COL4A4: variants seen among roughly 807,000 people sequenced by gnomAD.
COL4A4 encodes the protein collagen alpha-4(IV) chain.
Under a neutral mutation model 192.9 loss-of-function variants are expected in COL4A4, and 105 were observed. The ratio of observed to expected loss-of-function variants is 0.54; its 90% CI spans 0.46 to 0.64. The LOEUF (loss-of-function observed/expected upper bound fraction) is 0.64. Among genes scored for constraint, COL4A4 ranks in the 30% least tolerant of loss-of-function variants. The pLI is 0.00. For missense variants in COL4A4, 1,967 were observed against 2,169.3 expected, an observed-to-expected ratio of 0.91 and a Z score of 1.85; for synonymous variants, 762 against 769.9, an observed-to-expected ratio of 0.99 and a Z score of 0.17.
intron 12 of COL4A4, among the ~76,000 whole-genome samples, chr2:227,105,188 A>ATTTTT (rs36065792): frequency 8.6e-5 from 9 of 104,068 alleles, no homozygotes; most frequent in Non-Finnish European, 1.5e-4. Context: ...CAGGATCCTG[A>ATTTTT]TTTTTTTTTT....
intron 25 of COL4A4, among the ~76,000 whole-genome samples, chr2:227,067,227 G>A (rs1030911168): frequency 6.6e-6 from 1 of 151,988 alleles, no homozygotes; most frequent in Non-Finnish European, 1.5e-5. Flanking sequence ...CAAGTCCTGA[G>A]TGACCTACAA....
intron 4 of COL4A4, among the ~76,000 whole-genome samples, chr2:227,124,272 A>G (rs895752002): frequency 6.6e-6 from 1 of 152,182 alleles, no homozygotes; most frequent in Non-Finnish European, 1.5e-5. Flanking sequence ...TTGGTGCAAA[A>G]GTAATTGTGG....
chr2:227,153,068 G>A (rs150546627), intron 1 of COL4A4, among the ~76,000 whole-genome samples: 1 of 152,300 alleles, frequency 6.6e-6, no homozygotes, highest in South Asian at 2.1e-4. Context: ...GCAGGCAAGA[G>A]AGAATGAGAG....
At position 227,094,207 on chromosome 2, in the gene COL4A4, A is replaced by G; in HGVS notation, c.1287T>C (p.Asp429=). 5.0e-6 allele frequency: 8 copies of G among 1,613,804 alleles called. No homozygotes were observed. Among genetic ancestry groups the G allele is most frequent in the Non-Finnish European group, 6.8e-6 (8 of 1,179,880 alleles). The change falls in exon 20 of 48, where the codon GAT becomes GAC. Residue 429 remains aspartate (D), a synonymous_variant. Transcript: ENST00000396625. ...PGEAGIPGRP[D]SAPGKPGKPG... ...GCTTCCCTGGTTTTCCTGGAGCAGAATCAGGTCTCCCAGGAATACCAGCTT... is the reference window on the plus strand; with the variant it reads ...GCTTCCCTGGTTTTCCTGGAGCAGAGTCAGGTCTCCCAGGAATACCAGCTT...
intron 15 of COL4A4, 41 bp downstream of exon 15, chr2:227,102,746 AAT>A (rs754571928): frequency 2.6e-6 from 4 of 1,537,732 alleles, no homozygotes; most frequent in Non-Finnish European, 3.6e-6. Flanking sequence ...ATGAAAGAGA[AAT>A]ATCTCCAAAT....
At chr2:227,112,880 A>G (rs2124886178) in intron 8 of COL4A4, among the ~76,000 whole-genome samples, 1 of 152,286 alleles carries the variant, frequency 6.6e-6, no homozygotes. Flanking sequence ...ATGTTGTTGT[A>G]TGTGTCAGAA....
At position 227,060,165 on chromosome 2, in the gene COL4A4, G is replaced by C. The variant is rs944601920; in HGVS notation, c.2135C>G (p.Pro712Arg). The part of the protein sequence containing the change: ...SDGHKGRPGT[P>R]GTAEIPGPPG... ...TGGACCTGGTATTTCCGCTGTTCCT[G>C]GTGTGCCAGGTCTGCCTTTATGCCC... The change falls in exon 27 of 48, where the codon CCA (proline) becomes CGA (arginine). Residue 712 changes from proline (P) to arginine (R), a missense_variant. Coordinates refer to ENST00000396625, the MANE Select transcript of COL4A4 (RefSeq NM_000092.5). The C allele has an allele frequency of 6.3e-7, 1 of 1,595,708 alleles. No homozygotes were observed. Among genetic ancestry groups the C allele is most frequent in the Non-Finnish European group, 8.5e-7 (1 of 1,171,902 alleles).
chr2:227,104,616 C>G (rs541121311), intron 12 of COL4A4, among the ~76,000 whole-genome samples: 106 of 150,094 alleles, frequency 7.1e-4, no homozygotes, highest in Non-Finnish European at 9.2e-4. Flanking sequence ...ATCCTACTAT[C>G]CAGAAGTAAT....
chr2:227,063,772 A>T (rs183393405), intron 25 of COL4A4, among the ~76,000 whole-genome samples: 74 of 152,014 alleles, frequency 4.9e-4, no homozygotes, highest in Non-Finnish European at 8.0e-4. Flanking sequence ...AAATTAAAAT[A>T]TATAGTATTA....
chr2:227,079,678 C>T (rs1472211035), intron 24 of COL4A4, among the ~76,000 whole-genome samples: 1 of 152,150 alleles, frequency 6.6e-6, no homozygotes, highest in East Asian at 1.9e-4. Flanking sequence ...GTTTTCACTC[C>T]TATTTTGCCT....
At chr2:227,151,247 T>C (rs2063922485) in intron 1 of COL4A4, among the ~76,000 whole-genome samples, 1 of 152,238 alleles carries the variant, frequency 6.6e-6, no homozygotes, top group African/African-American at 2.4e-5. Context: ...TATGATTATG[T>C]CTCTAATTCT....
intron 7 of COL4A4, among the ~76,000 whole-genome samples, chr2:227,116,836 C>T (rs527920398): frequency 3.6e-4 from 54 of 151,248 alleles, no homozygotes; most frequent in Admixed American, 1.5e-3. Flanking sequence ...GAAACAGATC[C>T]GAACTTAGGA....
At chr2:226,994,514 C>A in the COL4A4 span, among the ~76,000 whole-genome samples, 1 of 152,120 alleles carries the variant, frequency 6.6e-6, no homozygotes. Context: ...TGGGAGAGAG[C>A]CTTTCAGTGC....
rs1964749909 is a variant in COL4A4 at position 227,015,880 on chromosome 2, T to C, written c.4217-3583A>G. On this transcript the variant is annotated intron_variant, in intron 44 of 47. Transcript: ENST00000396625. ...TCGTGCAGAAATAAAACTGGAAAAA[T>C]ATACAGGCAATTGTGTCTTTTAAAA... 2.6e-5 allele frequency among the ~76,000 whole-genome samples: 4 copies of C among 151,990 alleles called. No individual in the cohort carries two copies. The South Asian group carries it at 8.3e-4, about 32-fold the overall frequency.
At chr2:227,089,382 C>T (rs1289638457) in intron 21 of COL4A4, among the ~76,000 whole-genome samples, 1 of 151,804 alleles carries the variant, frequency 6.6e-6, no homozygotes, top group Non-Finnish European at 1.5e-5. Flanking sequence ...GATGCTGTCA[C>T]ACCCACCTGA....
intron 3 of COL4A4, among the ~76,000 whole-genome samples, chr2:227,143,212 A>G (rs77498445): frequency 0.019 from 2,924 of 152,296 alleles, 74 homozygotes; most frequent in East Asian, 0.054. Flanking sequence ...CACATACCAT[A>G]CTTTGTTTAA....
chr2:227,037,675 A>T (rs1969951749), intron 37 of COL4A4, among the ~76,000 whole-genome samples: 1 of 152,180 alleles, frequency 6.6e-6, no homozygotes, highest in African/African-American at 2.4e-5. Flanking sequence ...GTCTTCCACA[A>T]CAGTTGAACT....
chr2:227,107,662 A>C (rs2060929251), intron 12 of COL4A4, among the ~76,000 whole-genome samples: 1 of 152,116 alleles, frequency 6.6e-6, no homozygotes, highest in East Asian at 1.9e-4. Flanking sequence ...GCAGATGCTT[A>C]ATATTGACTT....
intron 1 of COL4A4, among the ~76,000 whole-genome samples, chr2:227,149,191 A>G (rs1355413165): frequency 5.9e-5 from 9 of 152,136 alleles, no homozygotes; most frequent in Non-Finnish European, 1.0e-4. Context: ...GAGCAAATTA[A>G]TTCAATGCTG....
Sources: allele counts gnomAD v4.1 joint callset (sites outside exome capture counted in the v4.1 genomes callset), GRCh38; gene constraint gnomAD v4.1.1; transcripts MANE v1.5; gene names NCBI Gene and HGNC (gene_info 2026-07-23, HGNC 2026-07-21).